Variants in PCNX1 observed in about 807,000 individuals in gnomAD.
PCNX1 encodes pecanex-like protein 1.
Under a neutral mutation model 242.2 loss-of-function variants are expected in PCNX1, and 78 were observed. That is an observed-to-expected ratio of 0.32 (90% confidence interval 0.27 to 0.39). The LOEUF is 0.39. Ranked by LOEUF, PCNX1 falls within the 10% of genes least tolerant of loss-of-function variation. The pLI is 1.00. For missense variants in PCNX1, 2,581 were observed against 2,856.5 expected, an observed-to-expected ratio of 0.90 and a Z score of 2.20; for synonymous variants, 1,024 against 1,032.9, an observed-to-expected ratio of 0.99 and a Z score of 0.17.
intron 8 of PCNX1, among the ~76,000 whole-genome samples, chr14:71,006,131 GT>G (rs1566688393): frequency 9.5e-6 from 1 of 105,264 alleles, no homozygotes; most frequent in Non-Finnish European, 1.9e-5. Context: ...GTGTGTGTGT[GT>G]GTGTGTGTGT....
intron 26 of PCNX1, among the ~76,000 whole-genome samples, chr14:71,071,557 T>A (rs1427653945): frequency 6.6e-6 from 1 of 152,134 alleles, no homozygotes; most frequent in South Asian, 2.1e-4. Context: ...CGCCTCCCCC[T>A]TAACCCTATT....
rs1235298192 is a variant in PCNX1 at position 71,108,620 on chromosome 14, T to C, written c.6318T>C (p.Ser2106=). ...YPPTLGTSHS[S]HSVQSGLVRQ... ...TCCTCCTAGGCACTAGCCACAGCTC[T>C]CACTCTGTGCAGTCGGGCCTGGTCA... The change falls in exon 34 of 36, where the codon TCT becomes TCC. Residue 2106 remains serine (S), a synonymous_variant. Coordinates refer to ENST00000304743, the MANE Select transcript of PCNX1 (RefSeq NM_014982.3). 6.2e-7 allele frequency: 1 copy of C among 1,611,424 alleles called. No homozygotes were observed. Among genetic ancestry groups the C allele is most frequent in the Admixed American group, 1.7e-5 (1 of 59,946 alleles).
chr14:70,977,569 A>G lies in PCNX1; in HGVS notation c.1232A>G (p.Glu411Gly). ...KSEQTSSTHI[E>G]SILSEHEESP... ...GAGCAGACCAGCTCAACTCACATAG[A>G]GAGCATCCTGTCAGAGCATGAGGAG... is the stretch of plus-strand genomic sequence containing the variant. Residue 411 changes from glutamate (E) to glycine (G), a missense_variant, in exon 6 of 36, where the codon GAG (glutamate) becomes GGG (glycine). This residue lies in a region of PCNX1 where 1,204 missense variants were observed against 1,216.7 expected (regional missense o/e 0.99). Transcript: ENST00000304743. 6.2e-7 allele frequency: 1 copy of G among 1,614,224 alleles called. No individual in the cohort carries two copies. The highest frequency in any genetic ancestry group is 8.5e-7 in the Non-Finnish European group (1 of 1,180,044).
intron 30 of PCNX1, among the ~76,000 whole-genome samples, chr14:71,091,705 GAC>G (rs1265773860): frequency 6.6e-5 from 10 of 152,110 alleles, no homozygotes; most frequent in Non-Finnish European, 1.2e-4. Flanking sequence ...CAAAAACACA[GAC>G]TATACATGGC....
intron 28 of PCNX1, chr14:71,085,608 G>A (rs1428178492): frequency 6.4e-6 from 1 of 155,046 alleles, no homozygotes; most frequent in African/African-American, 2.4e-5. Context: ...GCCATTCGAG[G>A]GGAGGTATGC....
intron 19 of PCNX1, among the ~76,000 whole-genome samples, chr14:71,042,180 A>G (rs796749907): frequency 2.6e-5 from 4 of 152,272 alleles, no homozygotes; most frequent in African/African-American, 9.6e-5. Flanking sequence ...AATGTCTGCT[A>G]GGTCCATTTG....
intron 1 of PCNX1, among the ~76,000 whole-genome samples, chr14:70,927,502 T>C (rs1022745434): frequency 2.0e-5 from 3 of 152,208 alleles, no homozygotes; most frequent in Non-Finnish European, 2.9e-5. Context: ...ATTTGGGTTC[T>C]GGTAATGCTC....
rs1487532504 is a variant in PCNX1 at position 71,103,556 on chromosome 14, T to C, written c.5982T>C (p.Phe1994=). 6.2e-7 allele frequency: 1 copy of C among 1,614,200 alleles called. No homozygotes were observed. Among genetic ancestry groups the C allele is most frequent in the Non-Finnish European group, 8.5e-7 (1 of 1,180,028 alleles). ...SCDQPIGYPI[F]VSPLTTSYSD... Reference sequence around the variant, plus strand: ...ATCAACCTATTGGCTACCCAATCTTTGTCTCACCCCTGACAACTTCTTACT... The same window carrying C: ...ATCAACCTATTGGCTACCCAATCTTCGTCTCACCCCTGACAACTTCTTACT... Residue 1994 remains phenylalanine, a synonymous_variant, in exon 32 of 36, where the codon TTT becomes TTC. Coordinates refer to ENST00000304743, the MANE Select transcript of PCNX1 (RefSeq NM_014982.3).
intron 5 of PCNX1, among the ~76,000 whole-genome samples, chr14:70,974,246 T>TG (rs2058627579): frequency 7.0e-6 from 1 of 141,968 alleles, no homozygotes; most frequent in African/African-American, 2.7e-5. Flanking sequence ...TTTTTGTTGT[T>TG]TTTTTTTTTT....
Position 70,977,877 on chromosome 14 carries a change from A to C in PCNX1, c.1540A>C (p.Lys514Gln). 1 of 1,614,084 alleles carries C rather than the reference A, an allele frequency of 6.2e-7. No individual in the cohort carries two copies. The highest frequency in any genetic ancestry group is 8.5e-7 in the Non-Finnish European group (1 of 1,179,926). ...ACCACCTGGGAACACTGCAGAAAAC[A>C]AAGAAGAGAAGAGTGATAAGTCAGC... ...DRPPGNTAEN[K>Q]EEKSDKSAVS... Residue 514 changes from lysine to glutamine, a missense_variant, in exon 6 of 36, where the codon AAA (lysine) becomes CAA (glutamine). Around this residue, in one of 9 missense-constraint regions of PCNX1, gnomAD observed 1,204 missense variants for 1,216.7 expected, o/e 0.99. Coordinates refer to ENST00000304743, the MANE Select transcript of PCNX1 (RefSeq NM_014982.3).
chr14:71,098,553 T>TGTGTGAGTGAGAGAGA (rs60367565), intron 30 of PCNX1, among the ~76,000 whole-genome samples: 20 of 125,666 alleles, frequency 1.6e-4, no homozygotes, highest in Non-Finnish European at 3.1e-4. Context: ...TGTGTGTGTG[T>TGTGTGAGTGAGAGAGA]GAGAGAGAGA....
chr14:71,010,480 A>C (rs2059792876), intron 9 of PCNX1, among the ~76,000 whole-genome samples: 1 of 152,070 alleles, frequency 6.6e-6, no homozygotes, highest in Non-Finnish European at 1.5e-5. Flanking sequence ...TTCTTAAAAT[A>C]TGTCTCATAC....
chr14:71,068,604 G>GTGTGTA (rs994455400), intron 26 of PCNX1, among the ~76,000 whole-genome samples: 14 of 144,338 alleles, frequency 9.7e-5, no homozygotes, highest in African/African-American at 3.6e-4. Context: ...GTGTGTGTGT[G>GTGTGTA]TGTGTGTGTG....
At chr14:71,034,912 A>G (rs1219891975) in intron 18 of PCNX1, among the ~76,000 whole-genome samples, 2 of 152,252 alleles carry the variant, frequency 1.3e-5, no homozygotes, top group Non-Finnish European at 1.5e-5. Context: ...GTTGATGACC[A>G]AAGAGATCAA....
chr14:71,041,643 T>C (rs184185077), intron 19 of PCNX1, among the ~76,000 whole-genome samples: 1 of 152,202 alleles, frequency 6.6e-6, no homozygotes, highest in East Asian at 1.9e-4. Flanking sequence ...ATGCCAACTT[T>C]TTGGTTCCTT....
At position 71,113,454 on chromosome 14, in the gene PCNX1, C is replaced by T. The variant is rs889334765; in HGVS notation, c.*3519C>T. 4 of 152,462 alleles carry T rather than the reference C, an allele frequency of 2.6e-5. No homozygotes were observed. Among genetic ancestry groups the T allele is most frequent in the African/African-American group, 9.7e-5 (4 of 41,400 alleles). 9.4% of individuals were successfully genotyped at this position (152,462 alleles called of 1,614,324 possible). ...TTCTTTCTGAATTAGTTTATTTTTCCATCACATACCAAAATATAAAAATCA... is the reference window on the plus strand; with the variant it reads ...TTCTTTCTGAATTAGTTTATTTTTCTATCACATACCAAAATATAAAAATCA... On this transcript the variant is annotated 3_prime_UTR_variant, in exon 36 of 36. Transcript: ENST00000304743.
chr14:71,027,796 CAG>C (rs1244385825), intron 15 of PCNX1, among the ~76,000 whole-genome samples: 3 of 151,784 alleles, frequency 2.0e-5, no homozygotes, highest in East Asian at 1.9e-4. Context: ...TGAATTAAGA[CAG>C]AACTGGTTTC....
intron 11 of PCNX1, among the ~76,000 whole-genome samples, chr14:71,016,399 AAATTGGTTGC>A (rs1325638507): frequency 1.3e-5 from 2 of 152,220 alleles, no homozygotes; most frequent in African/African-American, 4.8e-5. Flanking sequence ...CAACCAACCT[AAATTGGTTGC>A]ATTTATGGAA....
At chr14:70,994,822 A>G (rs1426087732) in intron 7 of PCNX1, among the ~76,000 whole-genome samples, 1 of 152,054 alleles carries the variant, frequency 6.6e-6, no homozygotes, top group African/African-American at 2.4e-5. Context: ...AGTATAAAAT[A>G]AGTTAATATA....
Sources: allele counts gnomAD v4.1 joint callset (sites outside exome capture counted in the v4.1 genomes callset), GRCh38; gene constraint gnomAD v4.1.1; regional missense constraint gnomAD v4.1.1; transcripts MANE v1.5; gene names NCBI Gene and HGNC (gene_info 2026-07-23, HGNC 2026-07-21).